The following KRTAP19-2 variants were observed in gnomAD, a reference collection of about 807,000 sequenced individuals.
KRTAP19-2 encodes the protein keratin associated protein 19-2, also known as keratin-associated protein 19-2.
Under a neutral mutation model 0.3 loss-of-function variants are expected in KRTAP19-2, and 2 were observed. The ratio of observed to expected loss-of-function variants is 6.87; its 90% confidence interval spans 2.81 to 21.61. The LOEUF is 21.61. Ranked by LOEUF, KRTAP19-2 falls within the 30% of genes most tolerant of loss-of-function variation. The pLI, the probability that KRTAP19-2 is intolerant of heterozygous loss-of-function variation, is 0.03. For missense variants in KRTAP19-2, 63 were observed against 63.1 expected (o/e 1.00, Z 0.00); for synonymous variants, 31 against 24.6 (o/e 1.26, Z -0.77).
In KRTAP19-2 at chr21:30,487,148, A is replaced by G; in HGVS notation, c.*42T>C. 6.3e-7 allele frequency: 1 copy of G among 1,596,242 alleles called. No homozygotes were observed. Among genetic ancestry groups the G allele is most frequent in the Non-Finnish European group, 8.6e-7 (1 of 1,164,012 alleles). ...TTAGAAGTAAGTAACTTGTTTTTAA[A>G]TCCCTTCAAAATAACAGATGCTGCA... On this transcript the variant is annotated 3_prime_UTR_variant, in exon 1 of 1. Transcript: ENST00000334055.
Position 30,487,268 on chromosome 21 carries a change from A to G in KRTAP19-2, c.81T>C (p.Gly27=), listed in dbSNP as rs1568865097. ...YGCGYEGCRY[G]CGHRGCGDGC... is the part of the protein sequence containing the mutation. ...CATCTCCACAGCCTCTGTGGCCACA[A>G]CCATATCTGCATCCTTCATAGCCGC... Residue 27 remains glycine, a synonymous_variant, in exon 1 of 1, where the codon GGT becomes GGC. Transcript: ENST00000334055. 1 of 1,614,072 alleles carries G rather than the reference A, an allele frequency of 6.2e-7. No individual in the cohort carries two copies.
Position 30,487,191 on chromosome 21 carries a change from T to A in KRTAP19-2, c.158A>T (p.Ter53LeuextTer12), listed in dbSNP as rs1159530386. The change falls in exon 1 of 1, where the codon TAA (stop) becomes TTA (leucine). Residue 53 changes from the stop codon to leucine (L), a stop_lost. Transcript: ENST00000334055. ...YRRYRFTGFY[*>L] ...ATGCTGCATCACTAGAGCAGCAGCTTAGTAGAAGCCAGTGAATCTATATCT... is the reference window on the plus strand; with the variant it reads ...ATGCTGCATCACTAGAGCAGCAGCTAAGTAGAAGCCAGTGAATCTATATCT... 3 of 1,613,976 alleles carry A rather than the reference T, an allele frequency of 1.9e-6. No individual in the cohort carries two copies. The highest frequency in any genetic ancestry group is 1.7e-6 in the Non-Finnish European group (2 of 1,179,838).
rs532965343 is a variant in KRTAP19-2, at chr21:30,487,140, G to T, written c.*50C>A. On this transcript the variant is annotated 3_prime_UTR_variant, in exon 1 of 1. Transcript: ENST00000334055. ...ATTGTATCTTAGAAGTAAGTAACTT[G>T]TTTTTAAATCCCTTCAAAATAACAG... 1 of 1,574,350 alleles carries T rather than the reference G, an allele frequency of 6.4e-7. No individual in the cohort carries two copies. The highest frequency in any genetic ancestry group is 8.7e-7 in the Non-Finnish European group (1 of 1,144,454).
rs1985879020 is a variant in KRTAP19-2, at chr21:30,487,092, T to G, written c.*98A>C. The G allele has an allele frequency of 1.6e-6, 2 of 1,289,914 alleles. No individual in the cohort carries two copies. 79.9% of individuals were successfully genotyped at this position (1,289,914 alleles called of 1,614,324 possible). Reference sequence around the variant, plus strand: ...TTTCTCCCTTTGGAATGGGAGCATTTACACATTTACACCTTTACCCCCATT... The same window carrying G: ...TTTCTCCCTTTGGAATGGGAGCATTGACACATTTACACCTTTACCCCCATT... On this transcript the variant is annotated 3_prime_UTR_variant, in exon 1 of 1. Coordinates refer to ENST00000334055, the MANE Select transcript of KRTAP19-2 (RefSeq NM_181608.2).
rs138237627 is a variant in KRTAP19-2 at position 30,487,278 on chromosome 21, C to T, written c.71G>A (p.Cys24Tyr). ...RLGYGCGYEG[C>Y]RYGCGHRGCG... ...GCCTCTGTGGCCACAACCATATCTGCATCCTTCATAGCCGCAGCCATAGCC... is the reference window on the plus strand; with the variant it reads ...GCCTCTGTGGCCACAACCATATCTGTATCCTTCATAGCCGCAGCCATAGCC... The change falls in exon 1 of 1, where the codon TGC becomes TAC. Residue 24 changes from cysteine to tyrosine, a missense_variant. Transcript: ENST00000334055. 3.8e-5 allele frequency: 61 copies of T among 1,614,052 alleles called. No homozygotes were observed. The highest frequency in any genetic ancestry group is 6.7e-5 in the Admixed American group (4 of 60,014).
rs1329865885 is a variant in KRTAP19-2 at position 30,487,228 on chromosome 21, A to T, written c.121T>A (p.Ser41Thr). The change falls in exon 1 of 1, where the codon TCA (serine) becomes ACA (threonine). Residue 41 changes from serine to threonine, a missense_variant. Ser to Thr is a moderately conservative substitution (Grantham distance 58, BLOSUM62 1). Coordinates refer to ENST00000334055, the MANE Select transcript of KRTAP19-2 (RefSeq NM_181608.2). ...RGCGDGCCCP[S>T]CYRRYRFTGF... is the part of the protein sequence containing the mutation. ...GTGAATCTATATCTTCTGTAGCATG[A>T]TGGGCAGCAGCAGCCATCTCCACAG... 1.2e-6 allele frequency: 2 copies of T among 1,614,148 alleles called. No individual in the cohort carries two copies. Among genetic ancestry groups the T allele is most frequent in the South Asian group, 2.2e-5 (2 of 91,080 alleles).
rs1341560265 is a variant in KRTAP19-2, at chr21:30,487,420, T to C, written c.-72A>G. 1.9e-6 allele frequency: 3 copies of C among 1,610,336 alleles called. No homozygotes were observed. Among genetic ancestry groups the C allele is most frequent in the African/African-American group, 1.3e-5 (1 of 74,838 alleles). On this transcript the variant is annotated 5_prime_UTR_variant, in exon 1 of 1. Transcript: ENST00000334055. ...CCCTAGTAGCTCACGGTGTCAGAGA[T>C]AGTGAGTTGGGTTTGCTGTCCCAGG...
At position 30,487,171 on chromosome 21, in the gene KRTAP19-2, G is replaced by C; in HGVS notation, c.*19C>G. The stretch of plus-strand genomic sequence containing the variant: ...AAATCCCTTCAAAATAACAGATGCT[G>C]CATCACTAGAGCAGCAGCTTAGTAG... On this transcript the variant is annotated 3_prime_UTR_variant, in exon 1 of 1. Coordinates refer to ENST00000334055, the MANE Select transcript of KRTAP19-2 (RefSeq NM_181608.2). 6.2e-7 allele frequency: 1 copy of C among 1,610,924 alleles called. No individual in the cohort carries two copies. The highest frequency in any genetic ancestry group is 8.5e-7 in the Non-Finnish European group (1 of 1,177,100).
In KRTAP19-2 at chr21:30,487,051, C is replaced by T; in HGVS notation, c.*139G>A. Reference sequence around the variant, plus strand: ...TGGACTTGTTTGGGGTCTTATAGCCCCTTTGTTTTGGTCAATTTCTCCCTT... The same window carrying T: ...TGGACTTGTTTGGGGTCTTATAGCCTCTTTGTTTTGGTCAATTTCTCCCTT... On this transcript the variant is annotated 3_prime_UTR_variant, in exon 1 of 1. Transcript: ENST00000334055. 1.2e-6 allele frequency: 1 copy of T among 868,426 alleles called. No individual in the cohort carries two copies. The allele number at this position is 868,426 out of a possible 1,614,324, so 53.8% of individuals were successfully genotyped here. A position where few individuals can be genotyped will look rare whatever the true frequency, so the allele number is the denominator to read the frequency against.
Position 30,487,309 on chromosome 21 carries a change from T to G in KRTAP19-2, c.40A>C (p.Arg14=). 2 of 1,613,942 alleles carry G rather than the reference T, an allele frequency of 1.2e-6. No homozygotes were observed. Among genetic ancestry groups the G allele is most frequent in the Non-Finnish European group, 1.7e-6 (2 of 1,179,900 alleles). The change falls in exon 1 of 1, where the codon AGA becomes CGA. Residue 14 remains arginine (R), a synonymous_variant. Transcript: ENST00000334055. ...GYGCGCGSFC[R]LGYGCGYEGC... ...TCATAGCCGCAGCCATAGCCCAGTCTGCAGAAGCTGCCACATCCACAGCCG... is the reference window on the plus strand; with the variant it reads ...TCATAGCCGCAGCCATAGCCCAGTCGGCAGAAGCTGCCACATCCACAGCCG...
rs781568133 is a variant in KRTAP19-2 at position 30,487,141 on chromosome 21, T to C, written c.*49A>G. ...TTGTATCTTAGAAGTAAGTAACTTG[T>C]TTTTAAATCCCTTCAAAATAACAGA... On this transcript the variant is annotated 3_prime_UTR_variant, in exon 1 of 1. Transcript: ENST00000334055. The C allele has an allele frequency of 1.3e-6, 2 of 1,587,348 alleles. No homozygotes were observed. The highest frequency in any genetic ancestry group is 1.3e-5 in the African/African-American group (1 of 74,500).
the KRTAP19-2 span, chr21:30,487,211 A>T: frequency 2.5e-6 from 4 of 1,614,026 alleles, no homozygotes; most frequent in Non-Finnish European, 3.4e-6. Flanking sequence ...CAGTGAATCT[A>T]TATCTTCTGT....
chr21:30,487,314 A>G lies in KRTAP19-2; in HGVS notation c.35T>C (p.Phe12Ser). 1.2e-6 allele frequency: 2 copies of G among 1,613,934 alleles called. No individual in the cohort carries two copies. Among genetic ancestry groups the G allele is most frequent in the Non-Finnish European group, 1.7e-6 (2 of 1,179,898 alleles). ...CYGYGCGCGS[F>S]CRLGYGCGYE... The stretch of plus-strand genomic sequence containing the variant: ...GCCGCAGCCATAGCCCAGTCTGCAG[A>G]AGCTGCCACATCCACAGCCGTAGCC... Residue 12 changes from phenylalanine to serine, a missense_variant, in exon 1 of 1, where the codon TTC becomes TCC. Coordinates refer to ENST00000334055, the MANE Select transcript of KRTAP19-2 (RefSeq NM_181608.2).
chr21:30,487,381 C>T lies in KRTAP19-2; in HGVS notation c.-33G>A. 1.2e-6 allele frequency: 2 copies of T among 1,613,922 alleles called. No homozygotes were observed. The highest frequency in any genetic ancestry group is 1.7e-6 in the Non-Finnish European group (2 of 1,179,878). On this transcript the variant is annotated 5_prime_UTR_variant, in exon 1 of 1. Transcript: ENST00000334055. Reference sequence around the variant, plus strand: ...AAGCCTCCACAGCCATAGCCCAGACCTCCACAGTAGCTGCCCTAGTAGCTC... The same window carrying T: ...AAGCCTCCACAGCCATAGCCCAGACTTCCACAGTAGCTGCCCTAGTAGCTC...
In KRTAP19-2 at chr21:30,487,375, C is replaced by A. The variant is rs1380884783; in HGVS notation, c.-27G>T. On this transcript the variant is annotated 5_prime_UTR_variant, in exon 1 of 1. Transcript: ENST00000334055. ...CCACCAAAGCCTCCACAGCCATAGC[C>A]CAGACCTCCACAGTAGCTGCCCTAG... The A allele has an allele frequency of 3.1e-6, 5 of 1,613,672 alleles. No homozygotes were observed. In the African/African-American group the frequency reaches 5.3e-5, roughly 17 times the overall value.
At position 30,487,054 on chromosome 21, in the gene KRTAP19-2, T is replaced by C; in HGVS notation, c.*136A>G. 1.1e-6 allele frequency: 1 copy of C among 907,782 alleles called. No homozygotes were observed. Among genetic ancestry groups the C allele is most frequent in the Non-Finnish European group, 1.7e-6 (1 of 596,440 alleles). 56.2% of individuals were successfully genotyped at this position (907,782 alleles called of 1,614,324 possible). A position where few individuals can be genotyped will look rare whatever the true frequency, so the allele number is the denominator to read the frequency against. Reference sequence around the variant, plus strand: ...ACTTGTTTGGGGTCTTATAGCCCCTTTGTTTTGGTCAATTTCTCCCTTTGG... The same window carrying C: ...ACTTGTTTGGGGTCTTATAGCCCCTCTGTTTTGGTCAATTTCTCCCTTTGG... On this transcript the variant is annotated 3_prime_UTR_variant, in exon 1 of 1. Coordinates refer to ENST00000334055, the MANE Select transcript of KRTAP19-2 (RefSeq NM_181608.2).
In KRTAP19-2 at chr21:30,487,150, C is replaced by A. The variant is rs748624017; in HGVS notation, c.*40G>T. 10 of 1,593,304 alleles carry A rather than the reference C, an allele frequency of 6.3e-6. No homozygotes were observed. The East Asian group carries it at 2.2e-4, about 36-fold the overall frequency. On this transcript the variant is annotated 3_prime_UTR_variant, in exon 1 of 1. Coordinates refer to ENST00000334055, the MANE Select transcript of KRTAP19-2 (RefSeq NM_181608.2). ...AGAAGTAAGTAACTTGTTTTTAAAT[C>A]CCTTCAAAATAACAGATGCTGCATC...
rs138583108 is a variant in KRTAP19-2 at position 30,487,293 on chromosome 21, C to T, written c.56G>A (p.Cys19Tyr). 4 of 1,614,120 alleles carry T rather than the reference C, an allele frequency of 2.5e-6. No individual in the cohort carries two copies. Among genetic ancestry groups the T allele is most frequent in the Non-Finnish European group, 3.4e-6 (4 of 1,180,000 alleles). Residue 19 changes from cysteine (C) to tyrosine (Y), a missense_variant, in exon 1 of 1, where the codon TGC becomes TAC. Physicochemically the swap from Cys to Tyr is radical, Grantham distance 194. Transcript: ENST00000334055. The part of the protein sequence containing the change: ...CGSFCRLGYG[C>Y]GYEGCRYGCG... ...ACCATATCTGCATCCTTCATAGCCG[C>T]AGCCATAGCCCAGTCTGCAGAAGCT...
Position 30,487,190 on chromosome 21 carries a change from TTAG to T in KRTAP19-2, c.156_158del (p.Tyr52del). The T allele has an allele frequency of 1.9e-6, 3 of 1,614,042 alleles. No individual in the cohort carries two copies. Among genetic ancestry groups the T allele is most frequent in the Non-Finnish European group, 2.5e-6 (3 of 1,179,870 alleles). On this transcript the variant is annotated inframe_deletion, in exon 1 of 1. Coordinates refer to ENST00000334055, the MANE Select transcript of KRTAP19-2 (RefSeq NM_181608.2). ...GATGCTGCATCACTAGAGCAGCAGC[TTAG>T]TAGAAGCCAGTGAATCTATATCTTC...
Sources: allele counts gnomAD v4.1 joint callset, GRCh38; gene constraint gnomAD v4.1.1; transcripts MANE v1.5; gene names NCBI Gene and HGNC (gene_info 2026-07-23, HGNC 2026-07-21).